MED13L: variants seen among roughly 807,000 people sequenced by gnomAD.
The protein encoded by MED13L is mediator complex subunit 13L.
In MED13L, 7 loss-of-function variants were observed where a neutral mutation model predicts 220.9. The observed-to-expected ratio is 0.03, with a 90% CI of 0.02 to 0.06. The LOEUF (loss-of-function observed/expected upper bound fraction) is 0.06, where lower values mean the gene tolerates loss of function less well. Among genes scored for constraint, MED13L ranks in the 10% least tolerant of loss-of-function variants. MED13L has a pLI of 1.00. For missense variants in MED13L, 1,965 were observed against 2,760.5 expected, an observed-to-expected ratio of 0.71 and a Z score of 6.46; for synonymous variants, 1,011 against 1,015.2, an observed-to-expected ratio of 1.00 and a Z score of 0.08.
At chr12:115,974,703 A>G (rs1876815512) in intron 25 of MED13L, among the ~76,000 whole-genome samples, 1 of 152,210 alleles carries the variant, frequency 6.6e-6, no homozygotes. Flanking sequence ...ACTGGCAACT[A>G]CTTGTCCTCA....
chr12:116,148,051 C>CAAAAAAAAAA lies in MED13L; in HGVS notation c.311-36549_311-36540dup, dbSNP rs10678970. ...TGGGCTACAGAGCAAGACCCCATCTCAAAAAAAAAAAAAAAAAAAAAAAGA... is the reference window on the plus strand; with the variant it reads ...TGGGCTACAGAGCAAGACCCCATCTCAAAAAAAAAAAAAAAAAAAAAAAAAAAAAAAAAGA... On this transcript the variant is annotated intron_variant, in intron 2 of 30. Coordinates refer to ENST00000281928, the MANE Select transcript of MED13L (RefSeq NM_015335.5). Among the ~76,000 whole-genome samples the CAAAAAAAAAA allele has an allele frequency of 3.9e-3, 71 of 18,134 alleles. 1 individual carries two copies. Among genetic ancestry groups the CAAAAAAAAAA allele is most frequent in the Admixed American group, 7.2e-3 (8 of 1,112 alleles). The allele number at this position is 18,134 out of a possible 152,430, so 11.9% of individuals were successfully genotyped here. A position where few individuals can be genotyped will look rare whatever the true frequency, so the allele number is the denominator to read the frequency against.
intron 4 of MED13L, among the ~76,000 whole-genome samples, chr12:116,023,409 C>T (rs942369102): frequency 3.3e-5 from 5 of 152,122 alleles, no homozygotes; most frequent in African/African-American, 9.7e-5. Context: ...CAAAACATCT[C>T]GTAAGAACAT....
At chr12:116,218,487 G>C (rs1350735404) in intron 2 of MED13L, among the ~76,000 whole-genome samples, 1 of 151,844 alleles carries the variant, frequency 6.6e-6, no homozygotes, top group Non-Finnish European at 1.5e-5. Flanking sequence ...CCTACTCTGA[G>C]ACTCACAGTT....
At chr12:115,988,744 T>C (rs1379064465) in intron 17 of MED13L, among the ~76,000 whole-genome samples, 5 of 152,184 alleles carry the variant, frequency 3.3e-5, no homozygotes, top group Admixed American at 2.6e-4. Flanking sequence ...ATCTTAAAAT[T>C]TGAAACCCAG....
chr12:116,151,648 T>C (rs889814658), intron 2 of MED13L, among the ~76,000 whole-genome samples: 2 of 152,098 alleles, frequency 1.3e-5, no homozygotes, highest in African/African-American at 4.8e-5. Flanking sequence ...TTTTGGAAAA[T>C]CAAAATTAGC....
chr12:116,046,409 A>G (rs574090513), intron 4 of MED13L, among the ~76,000 whole-genome samples: 1 of 152,358 alleles, frequency 6.6e-6, no homozygotes, highest in African/African-American at 2.4e-5. Flanking sequence ...TCACATCCCA[A>G]AATAATAGGA....
intron 4 of MED13L, among the ~76,000 whole-genome samples, chr12:116,035,310 T>C (rs1048415128): frequency 2.0e-5 from 3 of 151,716 alleles, no homozygotes; most frequent in Non-Finnish European, 4.4e-5. Flanking sequence ...AGCCAAAATT[T>C]TGTGCTTTAA....
rs1014309559 is a variant in MED13L, at chr12:116,257,806, T to C, written c.72+19254A>G. ...ACATGGTTATGTAGGTTTTTTAACC[T>C]TGCCCCAGTCATCAATCAAAACAAT... is the stretch of plus-strand genomic sequence containing the variant. On this transcript the variant is annotated intron_variant, in intron 1 of 30. Coordinates refer to ENST00000281928, the MANE Select transcript of MED13L (RefSeq NM_015335.5). 1.6e-4 allele frequency among the ~76,000 whole-genome samples: 24 copies of C among 152,212 alleles called. 1 individual carries two copies. The highest frequency in any genetic ancestry group is 3.3e-4 in the Admixed American group (5 of 15,286).
At chr12:116,275,409 TA>T (rs1280155836) in intron 1 of MED13L, among the ~76,000 whole-genome samples, 1 of 152,214 alleles carries the variant, frequency 6.6e-6, no homozygotes, top group Non-Finnish European at 1.5e-5. Context: ...ATATTTCATT[TA>T]AAAAAATTTA....
chr12:116,065,730 T>C (rs1399039910), intron 4 of MED13L, among the ~76,000 whole-genome samples: 1 of 152,212 alleles, frequency 6.6e-6, no homozygotes, highest in African/African-American at 2.4e-5. Context: ...TCTTCTACTT[T>C]GCTGTTTCTC....
chr12:116,172,279 G>A (rs1288294518), intron 2 of MED13L, among the ~76,000 whole-genome samples: 3 of 152,068 alleles, frequency 2.0e-5, no homozygotes, highest in African/African-American at 7.2e-5. Context: ...CACATTTCCG[G>A]ATGTAAAAAA....
intron 1 of MED13L, among the ~76,000 whole-genome samples, chr12:116,258,595 G>A (rs1325141865): frequency 6.6e-6 from 1 of 151,946 alleles, no homozygotes; most frequent in African/African-American, 2.4e-5. Context: ...TGGTCAACAT[G>A]GTGAAACCCC....
intron 2 of MED13L, among the ~76,000 whole-genome samples, chr12:116,228,937 T>G (rs1869271319): frequency 6.6e-6 from 1 of 152,094 alleles, no homozygotes; most frequent in Non-Finnish European, 1.5e-5. Context: ...ATCAACAACC[T>G]CTTTTTTAAA....
chr12:116,052,158 G>C (rs1221907779), intron 4 of MED13L, among the ~76,000 whole-genome samples: 1 of 152,058 alleles, frequency 6.6e-6, no homozygotes, highest in East Asian at 1.9e-4. Context: ...CAGTTTCGTA[G>C]TGTTAAATGA....
chr12:116,261,648 T>C (rs751939147), intron 1 of MED13L, among the ~76,000 whole-genome samples: 71 of 152,174 alleles, frequency 4.7e-4, no homozygotes, highest in Non-Finnish European at 9.0e-4. Flanking sequence ...ATATACACAA[T>C]TGTGATCAAA....
At chr12:116,158,569 A>G (rs936388418) in intron 2 of MED13L, among the ~76,000 whole-genome samples, 1 of 152,192 alleles carries the variant, frequency 6.6e-6, no homozygotes, top group African/African-American at 2.4e-5. Context: ...TCTGAAAGAG[A>G]AAAACAGAGT....
chr12:116,246,152 T>A (rs560984910), intron 1 of MED13L, among the ~76,000 whole-genome samples: 5 of 151,654 alleles, frequency 3.3e-5, no homozygotes, highest in African/African-American at 1.2e-4. Flanking sequence ...TAAATGGCTA[T>A]GCCAGCCTAA....
At chr12:116,190,682 T>A (rs900618264) in intron 2 of MED13L, among the ~76,000 whole-genome samples, 1 of 152,222 alleles carries the variant, frequency 6.6e-6, no homozygotes, top group African/African-American at 2.4e-5. Flanking sequence ...TTGTTTTAAT[T>A]ACAGTATAAA....
chr12:115,996,330 G>A (rs1878401825), intron 16 of MED13L, 146 bp downstream of exon 16: 5 of 853,904 alleles, frequency 5.9e-6, no homozygotes, highest in African/African-American at 3.3e-5. Flanking sequence ...GACCTCAAGT[G>A]ATCTGCCCGC....
Sources: allele counts gnomAD v4.1 joint callset (sites outside exome capture counted in the v4.1 genomes callset), GRCh38; gene constraint gnomAD v4.1.1; transcripts MANE v1.5; gene names NCBI Gene and HGNC (gene_info 2026-07-23, HGNC 2026-07-21).